KCNQ1: variants seen among roughly 807,000 people sequenced by gnomAD.
KCNQ1 encodes potassium voltage-gated channel subfamily KQT member 1.
Under a neutral mutation model 72.4 loss-of-function variants are expected in KCNQ1, and 49 were observed. The ratio of observed to expected loss-of-function variants is 0.68; its 90% CI spans 0.54 to 0.86. KCNQ1 has a LOEUF of 0.86. Among genes scored for constraint, KCNQ1 ranks in the 40% least tolerant of loss-of-function variants. The pLI is 0.00. For missense variants in KCNQ1, 790 were observed against 945.1 expected, an observed-to-expected ratio of 0.84 and a Z score of 2.15; for synonymous variants, 450 against 412.6, an observed-to-expected ratio of 1.09 and a Z score of -1.10.
chr11:2,688,382 A>G (rs1339787710), intron 11 of KCNQ1: 2 of 398,730 alleles, frequency 5.0e-6, no homozygotes, highest in Non-Finnish European at 8.8e-6. Flanking sequence ...AGAGGTTTCA[A>G]TAACTGCCAT....
intron 1 of KCNQ1, among the ~76,000 whole-genome samples, chr11:2,455,836 T>A (rs913042820): frequency 2.0e-5 from 3 of 152,240 alleles, no homozygotes; most frequent in African/African-American, 7.2e-5. Flanking sequence ...AGCATGGTAT[T>A]GGTACATAGA....
rs1847883354 is a variant in KCNQ1, at chr11:2,544,878, G to A, written c.477+16860G>A. 6.6e-6 allele frequency among the ~76,000 whole-genome samples: 1 copy of A among 152,166 alleles called. No homozygotes were observed. Reference sequence around the variant, plus strand: ...ACAAGTGAACACTGCTGTGTCCCCAGCCTTAGAAGACACACATCATTGTTC... The same window carrying A: ...ACAAGTGAACACTGCTGTGTCCCCAACCTTAGAAGACACACATCATTGTTC... On this transcript the variant is annotated intron_variant, in intron 2 of 15. Transcript: ENST00000155840. The surrounding 1 kb of genome is among the most constrained non-coding windows in gnomAD (Gnocchi z 4.4).
chr11:2,753,020 G>C (rs2237880), intron 11 of KCNQ1, among the ~76,000 whole-genome samples: 2,501 of 152,230 alleles, frequency 0.016, 113 homozygotes, highest in East Asian at 0.13. Flanking sequence ...TCACAAAGAC[G>C]TAAGAACCAC....
At position 2,655,144 on chromosome 11, in the gene KCNQ1, T is replaced by C. The variant is rs551300254; in HGVS notation, c.1394-6817T>C. 499 of 398,652 alleles carry C rather than the reference T, an allele frequency of 1.3e-3. 2 individuals are homozygous for C. The highest frequency in any genetic ancestry group is 1.9e-3 in the Middle Eastern group (3 of 1,588). The allele number at this position is 398,652 out of a possible 1,614,324, so 24.7% of individuals were successfully genotyped here. ...CAGGACCACTGACTAGAAAGGAGGA[T>C]GCTGTGCTGAGTTTGATTCCTGTTC... On this transcript the variant is annotated intron_variant, in intron 10 of 15. Coordinates refer to ENST00000155840, the MANE Select transcript of KCNQ1 (RefSeq NM_000218.3).
intron 11 of KCNQ1, among the ~76,000 whole-genome samples, chr11:2,709,841 A>C (rs971386888): frequency 2.0e-5 from 3 of 152,204 alleles, no homozygotes; most frequent in South Asian, 2.1e-4. Flanking sequence ...GGGCCAAATA[A>C]TATGCCATTT....
chr11:2,760,353 G>T (rs974179209), intron 11 of KCNQ1, among the ~76,000 whole-genome samples: 1 of 152,188 alleles, frequency 6.6e-6, no homozygotes, highest in Non-Finnish European at 1.5e-5. Context: ...GGATGGGGGT[G>T]GGGAGCTCAT....
intron 15 of KCNQ1, among the ~76,000 whole-genome samples, chr11:2,843,067 G>T (rs981758850): frequency 6.6e-6 from 1 of 152,190 alleles, no homozygotes; most frequent in Non-Finnish European, 1.5e-5. Flanking sequence ...GCAGCAGTGT[G>T]GGGGGTTCTG....
In KCNQ1 at chr11:2,768,710, A is replaced by C. The variant is rs1355471791; in HGVS notation, c.1515-134A>C. ...ACTGGGACATGGCCTAAGTATCTCC[A>C]TCCCATGGAGTTGAACACTCTCCTT... On this transcript the variant is annotated intron_variant, in intron 11 of 15. Coordinates refer to ENST00000155840, the MANE Select transcript of KCNQ1 (RefSeq NM_000218.3). This position sits in a 1 kb window ranked among gnomAD's most constrained non-coding sequence, Gnocchi z 6.7. 4 of 756,090 alleles carry C rather than the reference A, an allele frequency of 5.3e-6. No individual in the cohort carries two copies. Among genetic ancestry groups the C allele is most frequent in the Non-Finnish European group, 9.5e-6 (4 of 419,426 alleles). 46.8% of individuals were successfully genotyped at this position (756,090 alleles called of 1,614,324 possible). A position where few individuals can be genotyped will look rare whatever the true frequency, so the allele number is the denominator to read the frequency against.
chr11:2,728,910 A>T (rs1243733975), intron 11 of KCNQ1, among the ~76,000 whole-genome samples: 1 of 152,260 alleles, frequency 6.6e-6, no homozygotes, highest in African/African-American at 2.4e-5. Context: ...TGAAGTCCCC[A>T]GAAGTGTTTG....
Position 2,601,287 on chromosome 11 carries a change from C to T in KCNQ1, c.1393+12433C>T, listed in dbSNP as rs1056217886. ...CCTAATGATGCTGAGCATTTTTCCACGTGCCTAGTGCCCAATTGTGTATCT... is the reference window on the plus strand; with the variant it reads ...CCTAATGATGCTGAGCATTTTTCCATGTGCCTAGTGCCCAATTGTGTATCT... On this transcript the variant is annotated intron_variant, in intron 10 of 15. Coordinates refer to ENST00000155840, the MANE Select transcript of KCNQ1 (RefSeq NM_000218.3). This position sits in a 1 kb window ranked among gnomAD's most constrained non-coding sequence, Gnocchi z 5.2. 3.9e-5 allele frequency among the ~76,000 whole-genome samples: 6 copies of T among 152,140 alleles called. No homozygotes were observed. The highest frequency in any genetic ancestry group is 1.4e-4 in the African/African-American group (6 of 41,416).
chr11:2,604,582 G>A (rs890606251), intron 10 of KCNQ1, among the ~76,000 whole-genome samples: 20 of 151,642 alleles, frequency 1.3e-4, no homozygotes, highest in African/African-American at 4.6e-4. Flanking sequence ...GTCTTGCTCT[G>A]TCGCCAGGCT....
At chr11:2,520,347 C>T (rs944256157) in intron 1 of KCNQ1, among the ~76,000 whole-genome samples, 12 of 152,198 alleles carry the variant, frequency 7.9e-5, no homozygotes, top group Non-Finnish European at 1.6e-4. Context: ...TCCAGCCCAG[C>T]GTGGGGCCCT....
chr11:2,502,599 G>A (rs1847035763), intron 1 of KCNQ1, among the ~76,000 whole-genome samples: 1 of 152,202 alleles, frequency 6.6e-6, no homozygotes, highest in East Asian at 1.9e-4. Context: ...TTGTTAAAAT[G>A]TCTGTATTGT....
rs1300756971 is a variant in KCNQ1 at position 2,626,795 on chromosome 11, T to G, written c.1394-35166T>G. On this transcript the variant is annotated intron_variant, in intron 10 of 15. Coordinates refer to ENST00000155840, the MANE Select transcript of KCNQ1 (RefSeq NM_000218.3). The surrounding 1 kb of genome is among the most constrained non-coding windows in gnomAD (Gnocchi z 4.0). The stretch of plus-strand genomic sequence containing the variant: ...CTCCCACCTCAGCCTTCAAAAGTGC[T>G]GAGATTACAGGTGTAGGCCATTGTA... The G allele has an allele frequency of 2.5e-6, 1 of 398,502 alleles. No homozygotes were observed. Among genetic ancestry groups the G allele is most frequent in the African/African-American group, 2.1e-5 (1 of 48,630 alleles). The allele number at this position is 398,502 out of a possible 1,614,324, so 24.7% of individuals were successfully genotyped here.
intron 1 of KCNQ1, among the ~76,000 whole-genome samples, chr11:2,500,861 C>A (rs975117562): frequency 4.5e-5 from 1 of 22,100 alleles, no homozygotes; most frequent in African/African-American, 2.1e-4. Context: ...ACATCACACA[C>A]CGGGGTCTGT....
intron 10 of KCNQ1, chr11:2,637,526 T>C (rs1416777421): frequency 6.6e-6 from 1 of 152,262 alleles, no homozygotes; most frequent in African/African-American, 2.4e-5. Flanking sequence ...AGTTCTAGTT[T>C]GATTGCACTG....
chr11:2,490,017 C>A (rs557920962), intron 1 of KCNQ1, among the ~76,000 whole-genome samples: 11 of 152,200 alleles, frequency 7.2e-5, no homozygotes, highest in Non-Finnish European at 1.5e-4. Flanking sequence ...TCTGGACCTG[C>A]TCTAGGCCAG....
At chr11:2,631,170 T>A (rs1849346469) in intron 10 of KCNQ1, 2 of 398,578 alleles carry the variant, frequency 5.0e-6, no homozygotes, top group South Asian at 1.3e-4. Flanking sequence ...TTCTCTGAAT[T>A]AACTTTCTAC....
In KCNQ1 at chr11:2,538,985, A is replaced by T. The variant is rs1458658735; in HGVS notation, c.477+10967A>T. Among the ~76,000 whole-genome samples, 1 of 152,120 alleles carries T rather than the reference A, an allele frequency of 6.6e-6. No individual in the cohort carries two copies. The highest frequency in any genetic ancestry group is 6.5e-5 in the Admixed American group (1 of 15,276). ...ACCAGTCAGCGTCTTTCCTCCAGGG[A>T]GGCTGTGCAGAGGGAAGGCAGTGAG... On this transcript the variant is annotated intron_variant, in intron 2 of 15. Coordinates refer to ENST00000155840, the MANE Select transcript of KCNQ1 (RefSeq NM_000218.3). The surrounding 1 kb of genome is among the most constrained non-coding windows in gnomAD (Gnocchi z 6.7).
Sources: allele counts gnomAD v4.1 joint callset (sites outside exome capture counted in the v4.1 genomes callset), GRCh38; gene constraint gnomAD v4.1.1; non-coding constraint Gnocchi (gnomAD v3.1); transcripts MANE v1.5; gene names NCBI Gene and HGNC (gene_info 2026-07-23, HGNC 2026-07-21).